Variants in TM9SF2 observed in about 807,000 individuals in gnomAD.
TM9SF2 encodes the protein 76 kDa membrane protein.
In TM9SF2, 13 loss-of-function variants were observed where a neutral mutation model predicts 84.9. That is an observed-to-expected ratio of 0.15 (90% CI 0.10 to 0.24). The LOEUF (loss-of-function observed/expected upper bound fraction) is 0.24. Ranked by LOEUF, TM9SF2 falls within the 10% of genes least tolerant of loss-of-function variation. The pLI is 1.00. For missense variants in TM9SF2, 562 were observed against 818.5 expected, an observed-to-expected ratio of 0.69 and a Z score of 3.82; for synonymous variants, 273 against 285.8, an observed-to-expected ratio of 0.96 and a Z score of 0.45.
At chr13:99,516,967 C>T (rs2046137273) in intron 1 of TM9SF2, among the ~76,000 whole-genome samples, 1 of 151,982 alleles carries the variant, frequency 6.6e-6, no homozygotes, top group African/African-American at 2.4e-5. Context: ...AATTTGGAAA[C>T]CAGATTTTTA....
intron 1 of TM9SF2, among the ~76,000 whole-genome samples, chr13:99,510,833 A>G (rs2046110792): frequency 6.6e-6 from 1 of 152,218 alleles, no homozygotes; most frequent in Non-Finnish European, 1.5e-5. Flanking sequence ...CTTTGAAGGC[A>G]AGTGTTCATG....
chr13:99,504,300 A>ATGCTG (rs2046079798), intron 1 of TM9SF2, among the ~76,000 whole-genome samples: 1 of 152,200 alleles, frequency 6.6e-6, no homozygotes, highest in African/African-American at 2.4e-5. Context: ...TTTCCAAAAG[A>ATGCTG]TGCTGTTAAG....
At chr13:99,538,320 T>G (rs963400175) in intron 6 of TM9SF2, among the ~76,000 whole-genome samples, 3 of 152,200 alleles carry the variant, frequency 2.0e-5, no homozygotes, top group African/African-American at 7.2e-5. Flanking sequence ...TCTCTTCAAC[T>G]TATTATTTTT....
chr13:99,530,402 C>T (rs552954616), intron 4 of TM9SF2, among the ~76,000 whole-genome samples: 8 of 152,004 alleles, frequency 5.3e-5, no homozygotes, highest in Non-Finnish European at 1.2e-4. Flanking sequence ...CCCGCCTGGG[C>T]GACAGAGCAA....
At chr13:99,548,618 T>C (rs1417468817) in intron 11 of TM9SF2, among the ~76,000 whole-genome samples, 1 of 152,280 alleles carries the variant, frequency 6.6e-6, no homozygotes, top group African/African-American at 2.4e-5. Flanking sequence ...GTAAAACATA[T>C]ATTAGCAAAC....
chr13:99,532,822 G>A (rs183669173), intron 4 of TM9SF2, among the ~76,000 whole-genome samples: 289 of 152,320 alleles, frequency 1.9e-3, no homozygotes, highest in Non-Finnish European at 3.2e-3. Context: ...TTTACTGAAT[G>A]ATTTGTAATC....
At chr13:99,502,111 A>G (rs2046068982) in intron 1 of TM9SF2, among the ~76,000 whole-genome samples, 1 of 152,168 alleles carries the variant, frequency 6.6e-6, no homozygotes, top group African/African-American at 2.4e-5. Context: ...TTGGAGTTGG[A>G]TGTATGCAGG....
At chr13:99,518,002 T>C (rs1388263361) in intron 2 of TM9SF2, among the ~76,000 whole-genome samples, 2 of 152,218 alleles carry the variant, frequency 1.3e-5, no homozygotes, top group African/African-American at 4.8e-5. Flanking sequence ...TTCCCAGAAA[T>C]AACTACTTTG....
chr13:99,561,850 A>C (rs2046346189), intron 16 of TM9SF2, among the ~76,000 whole-genome samples: 1 of 152,216 alleles, frequency 6.6e-6, no homozygotes, highest in South Asian at 2.1e-4. Flanking sequence ...TTCTGGCCAC[A>C]AGTACCATCC....
At chr13:99,530,057 A>T (rs2046201482) in intron 4 of TM9SF2, among the ~76,000 whole-genome samples, 1 of 151,398 alleles carries the variant, frequency 6.6e-6, no homozygotes, top group Admixed American at 6.6e-5. Flanking sequence ...AAGTACCTTA[A>T]TTAAAAAATA....
At chr13:99,527,095 A>C (rs1257951933) in intron 3 of TM9SF2, among the ~76,000 whole-genome samples, 1 of 152,162 alleles carries the variant, frequency 6.6e-6, no homozygotes, top group Non-Finnish European at 1.5e-5. Flanking sequence ...GTTTCAGGGC[A>C]TAGTGGAAGG....
intron 3 of TM9SF2, among the ~76,000 whole-genome samples, chr13:99,527,923 T>C (rs1323898862): frequency 6.6e-6 from 1 of 152,210 alleles, no homozygotes; most frequent in Non-Finnish European, 1.5e-5. Flanking sequence ...CCTGGTCTCC[T>C]AACAAGATGG....
chr13:99,546,372 G>A (rs2046282544), intron 10 of TM9SF2, among the ~76,000 whole-genome samples: 2 of 152,168 alleles, frequency 1.3e-5, no homozygotes, highest in South Asian at 4.1e-4. Context: ...ATTCTCATTA[G>A]TAGGAAGGCT....
At chr13:99,521,114 T>A (rs2046158228) in intron 3 of TM9SF2, among the ~76,000 whole-genome samples, 1 of 152,174 alleles carries the variant, frequency 6.6e-6, no homozygotes, top group African/African-American at 2.4e-5. Context: ...TTTAGAAACA[T>A]TAAAGTAGTT....
At chr13:99,528,301 C>G (rs925394163) in intron 3 of TM9SF2, among the ~76,000 whole-genome samples, 12 of 152,188 alleles carry the variant, frequency 7.9e-5, no homozygotes, top group African/African-American at 2.9e-4. Context: ...TATGCCGATG[C>G]TCAGTTGTGT....
At chr13:99,509,461 C>T (rs535594593) in intron 1 of TM9SF2, among the ~76,000 whole-genome samples, 80 of 152,360 alleles carry the variant, frequency 5.3e-4, no homozygotes, top group Admixed American at 1.0e-3. Flanking sequence ...GAAATCTAGG[C>T]AGAGGCTGCC....
intron 4 of TM9SF2, among the ~76,000 whole-genome samples, chr13:99,533,424 G>T (rs953727123): frequency 6.6e-6 from 1 of 152,118 alleles, no homozygotes; most frequent in South Asian, 2.1e-4. Context: ...TATTGTACAC[G>T]TTATTCTGCA....
intron 16 of TM9SF2, among the ~76,000 whole-genome samples, chr13:99,561,090 G>C (rs1256623021): frequency 2.0e-5 from 3 of 152,200 alleles, no homozygotes; most frequent in African/African-American, 7.2e-5. Flanking sequence ...GTAACTTATA[G>C]TGTATTTCAC....
Position 99,540,396 on chromosome 13 carries a change from T to TAAA in TM9SF2, c.829-304_829-302dup, listed in dbSNP as rs34041487. ...ATTCCATTCCATTCCATTATTTTCT[T>TAAA]AAAAAAAAAAAAAAAACCTACATAT... On this transcript the variant is annotated intron_variant, in intron 7 of 16. Coordinates refer to ENST00000376387, the MANE Select transcript of TM9SF2 (RefSeq NM_004800.3). The TAAA allele has an allele frequency of 2.6e-3, 352 of 137,084 alleles. 3 individuals are homozygous for TAAA. Among genetic ancestry groups the TAAA allele is most frequent in the African/African-American group, 9.2e-3 (343 of 37,116 alleles). 8.5% of individuals were successfully genotyped at this position (137,084 alleles called of 1,614,324 possible).
Sources: allele counts gnomAD v4.1 joint callset (sites outside exome capture counted in the v4.1 genomes callset), GRCh38; gene constraint gnomAD v4.1.1; transcripts MANE v1.5; gene names NCBI Gene and HGNC (gene_info 2026-07-23, HGNC 2026-07-21).